TRHDE: variants seen among roughly 807,000 people sequenced by gnomAD.
TRHDE encodes thyrotropin releasing hormone degrading enzyme, also known as thyrotropin-releasing hormone-degrading ectoenzyme.
TRHDE carries 72 observed loss-of-function variants against 125.7 expected under a neutral mutation model. The ratio of observed to expected loss-of-function variants is 0.57; its 90% confidence interval spans 0.47 to 0.70. TRHDE has a LOEUF of 0.70. Ranked by LOEUF, TRHDE falls within the 30% of genes least tolerant of loss-of-function variation. The pLI is 0.00. For synonymous variants in TRHDE, 509 were observed against 509.1 expected, an observed-to-expected ratio of 1.00 and a Z score of 0.00; for missense variants, 1,110 against 1,327.1, an observed-to-expected ratio of 0.84 and a Z score of 2.54.
chr12:72,390,873 G>T (rs1872588899), intron 3 of TRHDE, among the ~76,000 whole-genome samples: 1 of 152,090 alleles, frequency 6.6e-6, no homozygotes, highest in South Asian at 2.1e-4. Flanking sequence ...TTGTAATTTT[G>T]TGGGGTAAGA....
chr12:72,273,310 C>T lies in TRHDE; in HGVS notation c.667C>T (p.Arg223Cys). The T allele has an allele frequency of 6.2e-7, 1 of 1,613,760 alleles. No homozygotes were observed. The highest frequency in any genetic ancestry group is 8.5e-7 in the Non-Finnish European group (1 of 1,179,940). Residue 223 changes from arginine (R) to cysteine (C), a missense_variant, in exon 1 of 19, where the codon CGC (arginine) becomes TGC (cysteine). Coordinates refer to ENST00000261180, the MANE Select transcript of TRHDE (RefSeq NM_013381.3). The surrounding 1 kb of genome is among the most constrained non-coding windows in gnomAD (Gnocchi z 5.3). ...NVEIACRNAT[R>C]YVVLHASRVA... ...GGAGATCGCGTGCCGGAACGCCACC[C>T]GCTACGTAGTGCTGCACGCTTCCCG...
intron 2 of TRHDE, among the ~76,000 whole-genome samples, chr12:72,237,712 G>A (rs2086309380): frequency 6.6e-6 from 1 of 152,120 alleles, no homozygotes. Context: ...CAAGTTTCCT[G>A]AGGCCTCCCT....
chr12:72,652,893 T>G, intron 16 of TRHDE, 123 bp from the exon 17 acceptor site: 1 of 611,996 alleles, frequency 1.6e-6, no homozygotes, highest in Non-Finnish European at 2.6e-6. Flanking sequence ...GTTTGCATTA[T>G]TAAAGATTGC....
chr12:72,206,263 T>C (rs1238883789), intron 2 of TRHDE, among the ~76,000 whole-genome samples: 1 of 152,042 alleles, frequency 6.6e-6, no homozygotes, highest in Non-Finnish European at 1.5e-5. Flanking sequence ...AAGTACTTTT[T>C]TGTATTTTTA....
chr12:72,648,847 G>T (rs578253269), intron 15 of TRHDE, among the ~76,000 whole-genome samples: 1 of 151,886 alleles, frequency 6.6e-6, no homozygotes, highest in South Asian at 2.1e-4. Flanking sequence ...CTGAACTAAG[G>T]AAATGAAAAA....
At chr12:72,093,642 G>A (rs555627057) in intron 1 of TRHDE, among the ~76,000 whole-genome samples, 1 of 152,050 alleles carries the variant, frequency 6.6e-6, no homozygotes, top group Non-Finnish European at 1.5e-5. Flanking sequence ...CTGTCGTTGT[G>A]TTCTTCAGCT....
intron 2 of TRHDE, among the ~76,000 whole-genome samples, chr12:72,118,519 G>T (rs563948102): frequency 6.6e-6 from 1 of 152,078 alleles, no homozygotes; most frequent in African/African-American, 2.4e-5. Flanking sequence ...GCTCTTTGTT[G>T]CTGTGTCTTT....
upstream of TRHDE, among the ~76,000 whole-genome samples, chr12:72,269,246 C>T (rs1029462856): frequency 6.6e-6 from 1 of 152,052 alleles, no homozygotes; most frequent in African/African-American, 2.4e-5. Flanking sequence ...AAAAATAAAA[C>T]TCACTGAAGA....
intron 10 of TRHDE, among the ~76,000 whole-genome samples, chr12:72,574,975 A>C (rs898987715): frequency 1.3e-5 from 2 of 152,136 alleles, no homozygotes; most frequent in Non-Finnish European, 2.9e-5. Context: ...GGTTACAGTT[A>C]CTTTGAGAAA....
At chr12:72,216,432 T>A (rs1004438177) in intron 2 of TRHDE, among the ~76,000 whole-genome samples, 9 of 152,180 alleles carry the variant, frequency 5.9e-5, no homozygotes, top group Non-Finnish European at 1.0e-4. Context: ...CACAGAATTG[T>A]TAGGAGAAGC....
chr12:72,112,498 T>C (rs1290934184), intron 2 of TRHDE, among the ~76,000 whole-genome samples: 1 of 152,182 alleles, frequency 6.6e-6, no homozygotes, highest in Non-Finnish European at 1.5e-5. Context: ...CAGTAAATAG[T>C]GTAGTACAGG....
chr12:72,158,181 A>G (rs1051535004), intron 2 of TRHDE, among the ~76,000 whole-genome samples: 8 of 152,120 alleles, frequency 5.3e-5, no homozygotes, highest in Non-Finnish European at 4.4e-5. Context: ...TTGCAAGAGG[A>G]TATAGGCAAT....
intron 6 of TRHDE, among the ~76,000 whole-genome samples, chr12:72,520,250 C>CT (rs1879119873): frequency 6.6e-6 from 1 of 152,204 alleles, no homozygotes; most frequent in African/African-American, 2.4e-5. Flanking sequence ...CTCGCTGCTG[C>CT]CTTGCAGTTT....
intron 2 of TRHDE, among the ~76,000 whole-genome samples, chr12:72,120,995 G>C (rs1045820920): frequency 1.9e-4 from 29 of 151,892 alleles, no homozygotes; most frequent in African/African-American, 6.0e-4. Context: ...ACTTTTTGTT[G>C]TTTCTATTTA....
intron 2 of TRHDE, among the ~76,000 whole-genome samples, chr12:72,299,953 A>G (rs946632613): frequency 6.6e-6 from 1 of 152,190 alleles, no homozygotes; most frequent in Non-Finnish European, 1.5e-5. Context: ...ATGGATAGAC[A>G]TCGTGGGTGA....
chr12:72,502,309 A>G (rs1481161493), intron 6 of TRHDE, among the ~76,000 whole-genome samples: 1 of 151,916 alleles, frequency 6.6e-6, no homozygotes, highest in African/African-American at 2.4e-5. Flanking sequence ...TTTTTTCCTA[A>G]GTGTACAACT....
At chr12:72,223,182 A>C (rs1391901475) in intron 2 of TRHDE, among the ~76,000 whole-genome samples, 2 of 152,098 alleles carry the variant, frequency 1.3e-5, no homozygotes, top group African/African-American at 4.8e-5. Flanking sequence ...AAAAAATTTC[A>C]GGTGTAATTA....
intron 2 of TRHDE, among the ~76,000 whole-genome samples, chr12:72,366,158 CTTAATTT>C (rs1871331529): frequency 6.6e-6 from 1 of 152,058 alleles, no homozygotes; most frequent in South Asian, 2.1e-4. Context: ...CTAGTAATCT[CTTAATTT>C]AATCACACCT....
intron 5 of TRHDE, among the ~76,000 whole-genome samples, chr12:72,478,477 C>T (rs577617374): frequency 8.6e-5 from 13 of 151,958 alleles, no homozygotes; most frequent in Admixed American, 3.3e-4. Context: ...ATTTGCTCAG[C>T]AAGCAAACTT....
Sources: allele counts gnomAD v4.1 joint callset (sites outside exome capture counted in the v4.1 genomes callset), GRCh38; gene constraint gnomAD v4.1.1; non-coding constraint Gnocchi (gnomAD v3.1); transcripts MANE v1.5; gene names NCBI Gene and HGNC (gene_info 2026-07-23, HGNC 2026-07-21).